The following MGAT4C variants were observed in gnomAD, a reference collection of about 807,000 sequenced individuals.
The protein encoded by MGAT4C is MGAT4 family member C.
A neutral mutation model predicts 40.1 loss-of-function variants in MGAT4C; 19 were observed. The observed-to-expected ratio is 0.47, with a 90% CI of 0.33 to 0.70. The LOEUF (loss-of-function observed/expected upper bound fraction) is 0.70. Among genes scored for constraint, MGAT4C ranks in the 30% least tolerant of loss-of-function variants. The pLI is 0.02. For missense variants in MGAT4C, 491 were observed against 563.2 expected (o/e 0.87, Z 1.30); for synonymous variants, 181 against 187.1 (o/e 0.97, Z 0.27).
At chr12:86,244,842 A>C (rs897340812) in intron 1 of MGAT4C, among the ~76,000 whole-genome samples, 9 of 152,204 alleles carry the variant, frequency 5.9e-5, no homozygotes, top group African/African-American at 2.2e-4. Context: ...GGTGAGTTTC[A>C]GGAGCAGCAG....
At chr12:86,560,107 A>T (rs1476137187) in intron 2 of MGAT4C, among the ~76,000 whole-genome samples, 1 of 151,406 alleles carries the variant, frequency 6.6e-6, no homozygotes, top group Non-Finnish European at 1.5e-5. Context: ...AGGGAGAATT[A>T]AAAAAAAATT....
chr12:86,659,845 G>C (rs1963937851), intron 2 of MGAT4C, among the ~76,000 whole-genome samples: 1 of 151,732 alleles, frequency 6.6e-6, no homozygotes, highest in African/African-American at 2.4e-5. Flanking sequence ...GTGTCTTACT[G>C]TGGCATTCTA....
chr12:86,598,442 G>T (rs1006520348), intron 2 of MGAT4C, among the ~76,000 whole-genome samples: 2 of 152,008 alleles, frequency 1.3e-5, no homozygotes, highest in African/African-American at 4.8e-5. Context: ...TAGAAGCAGA[G>T]TATAGAAACA....
At chr12:86,308,177 T>C (rs1953986746) in intron 4 of MGAT4C, among the ~76,000 whole-genome samples, 1 of 150,754 alleles carries the variant, frequency 6.6e-6, no homozygotes, top group African/African-American at 2.5e-5. Flanking sequence ...CACACAGACA[T>C]GTATAATGTA....
rs1447794672 is a variant in MGAT4C at position 85,977,376 on chromosome 12, T to A, written c.*1913A>T. ...TATCAACTAGCCGGTTAATAAAAGA[T>A]AAGAAAAATAAAGAAAATAGAACAT... On this transcript the variant is annotated 3_prime_UTR_variant, in exon 5 of 5. Coordinates refer to ENST00000611864, the MANE Select transcript of MGAT4C (RefSeq NM_001351288.2). 6.6e-6 allele frequency: 1 copy of A among 151,444 alleles called. No individual in the cohort carries two copies. The highest frequency in any genetic ancestry group is 1.9e-4 in the East Asian group (1 of 5,180). The allele number at this position is 151,444 out of a possible 1,614,324, so 9.4% of individuals were successfully genotyped here.
intron 2 of MGAT4C, among the ~76,000 whole-genome samples, chr12:86,491,911 C>T (rs919003835): frequency 2.0e-5 from 3 of 152,008 alleles, no homozygotes; most frequent in Non-Finnish European, 2.9e-5. Context: ...TGTCTCAGCC[C>T]AAAATCTCCT....
intron 1 of MGAT4C, among the ~76,000 whole-genome samples, chr12:86,212,724 TA>T (rs63517761): frequency 3.2e-4 from 34 of 107,880 alleles, no homozygotes; most frequent in Admixed American, 3.9e-4. Flanking sequence ...CCGTCTCTAC[TA>T]AAAAAAAAAA....
chr12:86,103,712 T>G (rs1168231002), intron 1 of MGAT4C, among the ~76,000 whole-genome samples: 1 of 152,144 alleles, frequency 6.6e-6, no homozygotes, highest in East Asian at 1.9e-4. Context: ...CATCTCAAGA[T>G]GGGGAAGGGA....
intron 1 of MGAT4C, among the ~76,000 whole-genome samples, chr12:86,823,521 T>C (rs548225144): frequency 1.3e-5 from 2 of 151,120 alleles, no homozygotes; most frequent in Non-Finnish European, 3.0e-5. Context: ...TCACCATCTC[T>C]AGGAACACAT....
At chr12:86,428,034 C>T (rs1956962823) in intron 3 of MGAT4C, among the ~76,000 whole-genome samples, 1 of 147,218 alleles carries the variant, frequency 6.8e-6, no homozygotes, top group Admixed American at 6.9e-5. Context: ...ACAACAGCAA[C>T]AACAACAACA....
In MGAT4C at chr12:86,008,528, G is replaced by T. The variant is rs117462516; in HGVS notation, c.-6-18976C>A. On this transcript the variant is annotated intron_variant, in intron 2 of 4. Coordinates refer to ENST00000611864, the MANE Select transcript of MGAT4C (RefSeq NM_001351288.2). ...TGTTAAATTTAACCATCATGATATTGACAAGCAATAAAGAGTTTTAATATT... is the reference window on the plus strand; with the variant it reads ...TGTTAAATTTAACCATCATGATATTTACAAGCAATAAAGAGTTTTAATATT... Among the ~76,000 whole-genome samples, 1,226 of 152,040 alleles carry T rather than the reference G, an allele frequency of 8.1e-3. 9 individuals are homozygous for T. Among genetic ancestry groups the T allele is most frequent in the Non-Finnish European group, 0.011 (753 of 67,908 alleles).
At chr12:86,268,639 C>T (rs1013370316) in intron 4 of MGAT4C, among the ~76,000 whole-genome samples, 35 of 124,556 alleles carry the variant, frequency 2.8e-4, no homozygotes, top group African/African-American at 9.4e-4. Context: ...GCTTACTGCT[C>T]AAACAAACAA....
chr12:86,013,813 C>G (rs979947358), intron 2 of MGAT4C: 25 of 865,170 alleles, frequency 2.9e-5, no homozygotes, highest in Middle Eastern at 5.9e-4. Context: ...TCTCCTACTC[C>G]CATAAATATT....
intron 1 of MGAT4C, among the ~76,000 whole-genome samples, chr12:86,836,467 G>A (rs920600846): frequency 6.6e-6 from 1 of 151,918 alleles, no homozygotes; most frequent in Non-Finnish European, 1.5e-5. Flanking sequence ...CTCAGTAAAT[G>A]TTATTTAACG....
chr12:86,322,202 A>G (rs1297647955), intron 4 of MGAT4C, among the ~76,000 whole-genome samples: 1 of 123,848 alleles, frequency 8.1e-6, no homozygotes, highest in Non-Finnish European at 1.6e-5. Context: ...GGTGGGGAAC[A>G]TCACACACTG....
intron 1 of MGAT4C, among the ~76,000 whole-genome samples, chr12:86,212,615 G>A (rs1269366370): frequency 3.3e-5 from 5 of 151,478 alleles, no homozygotes; most frequent in African/African-American, 7.3e-5. Flanking sequence ...ATGGCCGGGC[G>A]CGGTGGCTCA....
chr12:86,484,026 C>T (rs1157990875), intron 2 of MGAT4C, among the ~76,000 whole-genome samples: 1 of 151,824 alleles, frequency 6.6e-6, no homozygotes, highest in East Asian at 1.9e-4. Flanking sequence ...GGGCTAATTT[C>T]CAGTCCAGAT....
At chr12:86,191,126 CACACACA>C (rs1399223394) in intron 1 of MGAT4C, among the ~76,000 whole-genome samples, 241 of 139,414 alleles carry the variant, frequency 1.7e-3, no homozygotes, top group Middle Eastern at 3.6e-3. Flanking sequence ...CACACACACA[CACACACA>C]CCCCTATAGG....
intron 1 of MGAT4C, among the ~76,000 whole-genome samples, chr12:86,073,801 G>C (rs1353723540): frequency 6.6e-6 from 1 of 152,092 alleles, no homozygotes; most frequent in African/African-American, 2.4e-5. Flanking sequence ...TAGGTGGAAG[G>C]CAATTGCCTT....
Sources: gnomAD v4.1 joint callset for allele counts (sites outside exome capture counted in the v4.1 genomes callset) on GRCh38, gnomAD v4.1.1 for gene constraint, MANE v1.5 for transcripts, NCBI Gene and HGNC (gene_info 2026-07-23, HGNC 2026-07-21) for gene names.